Variants in PPFIA2 observed in about 807,000 individuals in gnomAD.
PPFIA2 encodes the protein PPFI scaffold protein A2.
In PPFIA2, 46 loss-of-function variants were observed where a neutral mutation model predicts 175.5. That is an observed-to-expected ratio of 0.26 (90% CI 0.21 to 0.34). PPFIA2 has a LOEUF of 0.34. Among genes scored for constraint, PPFIA2 ranks in the 10% least tolerant of loss-of-function variants. The probability of loss-of-function intolerance (pLI) is 1.00; values close to 1 mark genes in which losing one functional copy is unlikely to be tolerated. For missense variants in PPFIA2, 1,179 were observed against 1,506.1 expected (o/e 0.78, Z 3.60); for synonymous variants, 568 against 511.4 (o/e 1.11, Z -1.49).
intron 7 of PPFIA2, among the ~76,000 whole-genome samples, chr12:81,432,887 T>G (rs2048346164): frequency 6.6e-6 from 1 of 152,154 alleles, no homozygotes; most frequent in African/African-American, 2.4e-5. Context: ...TATTATATTA[T>G]TATGTTAACC....
intron 4 of PPFIA2, among the ~76,000 whole-genome samples, chr12:81,481,471 AT>A (rs1305085701): frequency 6.6e-6 from 1 of 152,206 alleles, no homozygotes; most frequent in Non-Finnish European, 1.5e-5. Flanking sequence ...TGGACACATC[AT>A]GCTACCTGAC....
chr12:81,565,909 TC>T (rs1306375037), intron 4 of PPFIA2, among the ~76,000 whole-genome samples: 5 of 152,346 alleles, frequency 3.3e-5, no homozygotes, highest in African/African-American at 1.2e-4. Flanking sequence ...CTATTTACTT[TC>T]CTTTGTAATA....
intron 4 of PPFIA2, among the ~76,000 whole-genome samples, chr12:81,631,758 C>A (rs1311079954): frequency 6.6e-6 from 1 of 152,174 alleles, no homozygotes; most frequent in Non-Finnish European, 1.5e-5. Context: ...AAGAGCAAGA[C>A]TGGCTCTGAC....
chr12:81,322,380 G>C (rs2053850149), intron 22 of PPFIA2, among the ~76,000 whole-genome samples: 1 of 152,136 alleles, frequency 6.6e-6, no homozygotes, highest in Non-Finnish European at 1.5e-5. Flanking sequence ...TAAGATCTCA[G>C]AGAGTCATGG....
At chr12:81,464,897 A>AC (rs1237283864) in intron 4 of PPFIA2, among the ~76,000 whole-genome samples, 1 of 151,554 alleles carries the variant, frequency 6.6e-6, no homozygotes, top group Non-Finnish European at 1.5e-5. Flanking sequence ...AAAAAAAAAA[A>AC]ACTTCTAACT....
intron 21 of PPFIA2, among the ~76,000 whole-genome samples, chr12:81,330,773 A>G (rs1594917221): frequency 6.6e-6 from 1 of 152,330 alleles, no homozygotes; most frequent in East Asian, 1.9e-4. Flanking sequence ...AACTGTCTTC[A>G]TCATTAATAA....
At chr12:81,590,914 C>A (rs187705704) in intron 4 of PPFIA2, among the ~76,000 whole-genome samples, 34 of 152,098 alleles carry the variant, frequency 2.2e-4, no homozygotes, top group Non-Finnish European at 7.4e-5. Context: ...TGGGGTATTG[C>A]TGAAAAGATA....
intron 4 of PPFIA2, among the ~76,000 whole-genome samples, chr12:81,504,197 G>A (rs2060890860): frequency 6.6e-6 from 1 of 151,978 alleles, no homozygotes; most frequent in African/African-American, 2.4e-5. Context: ...TGGAACTATG[G>A]AAAGAACAGG....
chr12:81,677,982 G>T (rs1006059271), intron 3 of PPFIA2, among the ~76,000 whole-genome samples: 1 of 151,734 alleles, frequency 6.6e-6, no homozygotes, highest in African/African-American at 2.4e-5. Flanking sequence ...TTTAGTGTTT[G>T]CAACTGATTT....
At chr12:81,391,537 CTG>C (rs772051652) in intron 8 of PPFIA2, among the ~76,000 whole-genome samples, 22 of 151,862 alleles carry the variant, frequency 1.4e-4, no homozygotes, top group Non-Finnish European at 2.1e-4. Flanking sequence ...TGCAAGTAAA[CTG>C]TTACTCTGTC....
chr12:81,353,056 C>A (rs2060206), intron 17 of PPFIA2, 63 bp downstream of exon 17: 30 of 1,446,838 alleles, frequency 2.1e-5, no homozygotes, highest in African/African-American at 8.5e-5. Flanking sequence ...CTAGTAATTA[C>A]ATTTTTAGTA....
At chr12:81,407,543 T>TA (rs1033193225) in intron 7 of PPFIA2, among the ~76,000 whole-genome samples, 83 of 146,010 alleles carry the variant, frequency 5.7e-4, no homozygotes, top group African/African-American at 1.6e-3. Flanking sequence ...AAAATTTTGT[T>TA]AAAAAAACCT....
At chr12:81,733,820 A>G (rs2081234765) in intron 3 of PPFIA2, among the ~76,000 whole-genome samples, 1 of 151,740 alleles carries the variant, frequency 6.6e-6, no homozygotes, top group Non-Finnish European at 1.5e-5. Context: ...AGCATTCCTG[A>G]AAGGGAGAAG....
chr12:81,400,257 G>T (rs1173588357), intron 8 of PPFIA2, among the ~76,000 whole-genome samples: 1 of 152,070 alleles, frequency 6.6e-6, no homozygotes, highest in Admixed American at 6.6e-5. Flanking sequence ...CTCCACTGAG[G>T]ATCACATTGC....
intron 4 of PPFIA2, among the ~76,000 whole-genome samples, chr12:81,509,802 T>C (rs967163752): frequency 5.3e-5 from 8 of 152,146 alleles, no homozygotes; most frequent in Admixed American, 5.2e-4. Flanking sequence ...AAAGAAAATG[T>C]TCTCCTTTTT....
chr12:81,371,869 A>G (rs978008426), intron 11 of PPFIA2, among the ~76,000 whole-genome samples: 1 of 151,446 alleles, frequency 6.6e-6, no homozygotes, highest in African/African-American at 2.4e-5. Context: ...CTGACTTTCT[A>G]AAAGACATAA....
chr12:81,695,914 G>A (rs2075841450), intron 3 of PPFIA2, among the ~76,000 whole-genome samples: 1 of 152,060 alleles, frequency 6.6e-6, no homozygotes, highest in East Asian at 1.9e-4. Flanking sequence ...TGAATAAGCA[G>A]TATCCCCCCA....
chr12:81,684,409 G>A (rs2153579838), intron 3 of PPFIA2, among the ~76,000 whole-genome samples: 1 of 152,184 alleles, frequency 6.6e-6, no homozygotes, highest in East Asian at 1.9e-4. Flanking sequence ...CAAGAGTCCA[G>A]CAAGAGGTGA....
At chr12:81,294,668 GA>G (rs1273554668) in intron 24 of PPFIA2, 166 bp downstream of exon 24, 3 of 661,432 alleles carry the variant, frequency 4.5e-6, no homozygotes, top group Non-Finnish European at 7.8e-6. Flanking sequence ...TTCCTCATTT[GA>G]AAACCTATTA....
Sources: gnomAD v4.1 joint callset for allele counts (sites outside exome capture counted in the v4.1 genomes callset) on GRCh38, gnomAD v4.1.1 for gene constraint, MANE v1.5 for transcripts, NCBI Gene and HGNC (gene_info 2026-07-23, HGNC 2026-07-21) for gene names.